CYBB: variants seen among roughly 807,000 people sequenced by gnomAD.
The protein encoded by CYBB is NADPH oxidase 2.
Under a neutral mutation model 46.5 loss-of-function variants are expected in CYBB, and 5 were observed. The ratio of observed to expected loss-of-function variants is 0.11; its 90% confidence interval spans 0.06 to 0.23. The LOEUF is 0.23. Ranked by LOEUF, CYBB falls within the 10% of genes least tolerant of loss-of-function variation. CYBB has a pLI of 1.00. For synonymous variants in CYBB, 183 were observed against 156.7 expected, an observed-to-expected ratio of 1.17 and a Z score of -1.26; for missense variants, 307 against 428.3, an observed-to-expected ratio of 0.72 and a Z score of 2.50.
chrX:37,801,586 T>TTGTGTG lies in CYBB; in HGVS notation c.897+276_897+281dup, dbSNP rs58302662. Among the ~76,000 whole-genome samples the TTGTGTG allele has an allele frequency of 0.044, 3,715 of 84,346 alleles. 67 individuals carry two copies. The highest frequency in any genetic ancestry group is 0.06 in the Non-Finnish European group (2,610 of 43,254). 73.2% of individuals were successfully genotyped at this position (84,346 alleles called of 115,157 possible). A position where few individuals can be genotyped will look rare whatever the true frequency, so the allele number is the denominator to read the frequency against. On this transcript the variant is annotated intron_variant, in intron 8 of 12. Transcript: ENST00000378588. The stretch of plus-strand genomic sequence containing the variant: ...TCTGGACATCAATCTCCCCCACCCA[T>TTGTGTG]TGTGTGTGTGTGTGTGTGTGTGTGT...
intron 3 of CYBB, among the ~76,000 whole-genome samples, chrX:37,785,602 T>C (rs567485386): frequency 9.0e-6 from 1 of 111,580 alleles, no homozygotes; most frequent in South Asian, 3.7e-4. Context: ...TGGAGTGCAG[T>C]GGTACGATCA....
chrX:37,813,317 T>C lies in CYBB; in HGVS notation c.*2400T>C, dbSNP rs1451368936. ...ATCTTAAGACTATGAAGGTTTTTCT[T>C]AGTTCTTCTGCTTTTGCAATTGTGT... On this transcript the variant is annotated 3_prime_UTR_variant, in exon 13 of 13. Coordinates refer to ENST00000378588, the MANE Select transcript of CYBB (RefSeq NM_000397.4). 9.1e-6 allele frequency: 1 copy of C among 109,392 alleles called. No individual in the cohort carries two copies. The highest frequency in any genetic ancestry group is 1.9e-5 in the Non-Finnish European group (1 of 52,583). 9.0% of individuals were successfully genotyped at this position (109,392 alleles called of 1,213,427 possible).
At chrX:37,791,535 T>C (rs782446484) in intron 3 of CYBB, among the ~76,000 whole-genome samples, 160 of 111,972 alleles carry the variant, frequency 1.4e-3, no homozygotes, top group Non-Finnish European at 2.8e-3. Context: ...CAGTGTTGTT[T>C]GAAAACTATT....
intron 1 of CYBB, among the ~76,000 whole-genome samples, chrX:37,780,716 T>G (rs1435693392): frequency 1.9e-5 from 2 of 106,454 alleles, no homozygotes; most frequent in African/African-American, 6.8e-5. Context: ...GTATGTATAT[T>G]TATATATAAT....
At chrX:37,790,499 A>G (rs1556466661) in intron 3 of CYBB, among the ~76,000 whole-genome samples, 1 of 112,167 alleles carries the variant, frequency 8.9e-6, no homozygotes, top group Non-Finnish European at 1.9e-5. Context: ...TTAAATGAGT[A>G]ATGATTATGG....
chrX:37,798,689 T>A (rs782718621), intron 6 of CYBB, among the ~76,000 whole-genome samples: 1 of 112,336 alleles, frequency 8.9e-6, no homozygotes, highest in South Asian at 3.6e-4. Context: ...GAAGTAGAAA[T>A]TCTCCCTTAA....
intron 3 of CYBB, among the ~76,000 whole-genome samples, chrX:37,785,458 A>G (rs1208314097): frequency 2.7e-5 from 3 of 112,833 alleles, no homozygotes; most frequent in African/African-American, 6.4e-5. Flanking sequence ...ATTACACTCA[A>G]TTGAAAGTTT....
At chrX:37,800,273 A>C (rs1238858332) in intron 7 of CYBB, among the ~76,000 whole-genome samples, 1 of 111,502 alleles carries the variant, frequency 9.0e-6, no homozygotes, top group East Asian at 2.8e-4. Flanking sequence ...CCATGGTAGC[A>C]CTCAGGAAAC....
chrX:37,810,242 G>T (rs1406806269), intron 12 of CYBB, among the ~76,000 whole-genome samples: 1 of 111,850 alleles, frequency 8.9e-6, no homozygotes, highest in African/African-American at 3.2e-5. Flanking sequence ...ATTGCTTTTT[G>T]CACTGTAAGG....
chrX:37,794,600 T>G (rs1392315558), intron 5 of CYBB, among the ~76,000 whole-genome samples: 2 of 111,572 alleles, frequency 1.8e-5, no homozygotes, highest in African/African-American at 6.5e-5. Context: ...CAACAACATC[T>G]GAGGGATGGC....
At chrX:37,798,902 A>G (rs782479693) in intron 6 of CYBB, 53 bp from the exon 7 acceptor site, 1 of 1,135,043 alleles carries the variant, frequency 8.8e-7, no homozygotes, top group African/African-American at 1.8e-5. Flanking sequence ...TCTTTTAATA[A>G]AACAATTTAA....
At chrX:37,803,405 T>C (rs782794581) in intron 8 of CYBB, among the ~76,000 whole-genome samples, 1 of 111,066 alleles carries the variant, frequency 9.0e-6, no homozygotes, top group South Asian at 3.8e-4. Flanking sequence ...TTTTGACTTC[T>C]GAGAGGAAAA....
At chrX:37,798,823 A>G in intron 6 of CYBB, 132 bp from the exon 7 acceptor site, 1 of 624,753 alleles carries the variant, frequency 1.6e-6, no homozygotes, top group African/African-American at 2.2e-5. Context: ...ATTCAGAGGG[A>G]GCAATAAGCT....
rs927736854 is a variant in CYBB at position 37,812,839 on chromosome X, G to A, written c.*1922G>A. The A allele has an allele frequency of 2.7e-5, 3 of 111,891 alleles. No homozygotes were observed. Among genetic ancestry groups the A allele is most frequent in the African/African-American group, 9.8e-5 (3 of 30,703 alleles). 9.2% of individuals were successfully genotyped at this position (111,891 alleles called of 1,213,427 possible). On this transcript the variant is annotated 3_prime_UTR_variant, in exon 13 of 13. Transcript: ENST00000378588. ...CCAGCCTGTTCACACTGCACCTCAG[G>A]TATCAATTCATCTATTCAACAGATA...
intron 5 of CYBB, among the ~76,000 whole-genome samples, chrX:37,794,431 T>C (rs1556467876): frequency 9.0e-6 from 1 of 111,320 alleles, no homozygotes; most frequent in East Asian, 2.8e-4. Flanking sequence ...TTTGGAGTGG[T>C]TTTGCTTTTA....
intron 3 of CYBB, among the ~76,000 whole-genome samples, chrX:37,788,681 C>A (rs1160477318): frequency 9.0e-6 from 1 of 111,158 alleles, no homozygotes; most frequent in Non-Finnish European, 1.9e-5. Context: ...GGTGGGAGGA[C>A]TGGGACCCAA....
At chrX:37,787,035 C>A (rs1313830596) in intron 3 of CYBB, among the ~76,000 whole-genome samples, 1 of 111,411 alleles carries the variant, frequency 9.0e-6, no homozygotes, top group Non-Finnish European at 1.9e-5. Context: ...TGTTGAGTGC[C>A]ATTTATGTGC....
rs58302662 is a variant in CYBB at position 37,801,586 on chromosome X, TTG to T, written c.897+280_897+281del. The stretch of plus-strand genomic sequence containing the variant: ...TCTGGACATCAATCTCCCCCACCCA[TTG>T]TGTGTGTGTGTGTGTGTGTGTGTGT... On this transcript the variant is annotated intron_variant, in intron 8 of 12. Transcript: ENST00000378588. Among the ~76,000 whole-genome samples, 3,530 of 84,219 alleles carry T rather than the reference TTG, an allele frequency of 0.042. 104 individuals are homozygous for T. Among genetic ancestry groups the T allele is most frequent in the African/African-American group, 0.12 (2,462 of 21,029 alleles). 73.1% of individuals were successfully genotyped at this position (84,219 alleles called of 115,157 possible). A position where few individuals can be genotyped will look rare whatever the true frequency, so the allele number is the denominator to read the frequency against.
intron 8 of CYBB, among the ~76,000 whole-genome samples, chrX:37,803,194 TGCTACATAACTAGTCAATG>T (rs1231649973): frequency 9.0e-6 from 1 of 111,155 alleles, no homozygotes; most frequent in Non-Finnish European, 1.9e-5. Context: ...TGGGGAATGT[TGCTACATAACTAGTCAATG>T]GGATCTCCTT....
Sources: allele counts gnomAD v4.1 joint callset (sites outside exome capture counted in the v4.1 genomes callset), GRCh38; gene constraint gnomAD v4.1.1; transcripts MANE v1.5; gene names NCBI Gene and HGNC (gene_info 2026-07-23, HGNC 2026-07-21).